The following FILIP1L variants were observed in gnomAD, a reference collection of about 807,000 sequenced individuals.
FILIP1L encodes the protein filamin A-interacting protein 1-like.
Under a neutral mutation model 96.6 loss-of-function variants are expected in FILIP1L, and 55 were observed. The observed-to-expected ratio is 0.57, with a 90% CI of 0.46 to 0.71. The LOEUF (loss-of-function observed/expected upper bound fraction) is 0.71. FILIP1L is among the 30% of genes least tolerant of loss of function. The probability of loss-of-function intolerance (pLI) is 0.00; values close to 1 mark genes in which losing one functional copy is unlikely to be tolerated. For missense variants in FILIP1L, 1,304 were observed against 1,321.2 expected (o/e 0.99, Z 0.20); for synonymous variants, 467 against 473.9 (o/e 0.99, Z 0.19).
intron 1 of FILIP1L, among the ~76,000 whole-genome samples, chr3:99,971,738 G>T (rs1204928884): frequency 6.6e-6 from 1 of 152,118 alleles, no homozygotes; most frequent in Admixed American, 6.5e-5. Flanking sequence ...GGATACACAC[G>T]GAACCTCAAA....
intron 1 of FILIP1L, among the ~76,000 whole-genome samples, chr3:100,072,257 G>A (rs959732711): frequency 3.3e-5 from 5 of 152,192 alleles, no homozygotes; most frequent in African/African-American, 1.2e-4. Context: ...GGATTATTCA[G>A]TCAGAAATAG....
intron 1 of FILIP1L, among the ~76,000 whole-genome samples, chr3:100,087,695 A>G (rs958909234): frequency 2.0e-5 from 3 of 152,036 alleles, no homozygotes; most frequent in African/African-American, 7.2e-5. Flanking sequence ...CATTATATTA[A>G]TAATGTCTTT....
intron 1 of FILIP1L, among the ~76,000 whole-genome samples, chr3:99,944,586 G>A (rs1465319376): frequency 6.6e-6 from 1 of 152,188 alleles, no homozygotes; most frequent in Non-Finnish European, 1.5e-5. Flanking sequence ...GCACTTTATG[G>A]GTTAAAGTAA....
In FILIP1L at chr3:100,027,135, G is replaced by A. The variant is rs141972947; in HGVS notation, c.-11+86918C>T. Among the ~76,000 whole-genome samples, 96 of 152,092 alleles carry A rather than the reference G, an allele frequency of 6.3e-4. 1 individual carries two copies. In the East Asian group the frequency reaches 0.018, roughly 28 times the overall value. On this transcript the variant is annotated intron_variant, in intron 1 of 5. Coordinates refer to ENST00000477258, the MANE Select transcript of FILIP1L (RefSeq NM_001387850.1). Reference sequence around the variant, plus strand: ...ACACGCTATCTAAACTTACACACATGAATACACACATCCTTCCTCTCCACC... The same window carrying A: ...ACACGCTATCTAAACTTACACACATAAATACACACATCCTTCCTCTCCACC...
intron 1 of FILIP1L, among the ~76,000 whole-genome samples, chr3:99,945,284 C>T (rs1360797664): frequency 6.6e-6 from 1 of 152,196 alleles, no homozygotes; most frequent in Non-Finnish European, 1.5e-5. Context: ...AGTGCTTTCC[C>T]CATACTCCCT....
intron 1 of FILIP1L, among the ~76,000 whole-genome samples, chr3:100,045,375 A>C (rs991740871): frequency 1.3e-5 from 2 of 152,214 alleles, no homozygotes; most frequent in Non-Finnish European, 2.9e-5. Flanking sequence ...TAATTGACAA[A>C]GAGGAGAGTG....
chr3:100,103,922 C>T (rs144272417), intron 1 of FILIP1L, among the ~76,000 whole-genome samples: 8 of 152,266 alleles, frequency 5.3e-5, no homozygotes, highest in African/African-American at 1.4e-4. Context: ...ATCATGAGCA[C>T]GGGTCTGCCA....
In FILIP1L at chr3:99,850,427, C is replaced by A; in HGVS notation, c.1249G>T (p.Val417Phe). Residue 417 changes from valine (V) to phenylalanine (F), a missense_variant, in exon 5 of 6, where the codon GTT (valine) becomes TTT (phenylalanine). Coordinates refer to ENST00000477258, the MANE Select transcript of FILIP1L (RefSeq NM_001387850.1). ...ATAATTCTTTTACTGAGTTTTTCAA[C>A]CTCTAGTTTAAAGTCTTTACTCTGT... ...TLQSKDFKLE[V>F]EKLSKRIMAL... The A allele has an allele frequency of 2.5e-6, 4 of 1,613,990 alleles. No individual in the cohort carries two copies. The highest frequency in any genetic ancestry group is 2.2e-5 in the East Asian group (1 of 44,860).
chr3:99,952,167 T>G (rs78951723), intron 1 of FILIP1L, among the ~76,000 whole-genome samples: 5 of 146,672 alleles, frequency 3.4e-5, no homozygotes, highest in African/African-American at 1.0e-4. Context: ...TATAGATGTG[T>G]TTTTTTTTTT....
intron 4 of FILIP1L, among the ~76,000 whole-genome samples, chr3:99,870,350 T>C (rs753274082): frequency 6.6e-6 from 1 of 152,230 alleles, no homozygotes; most frequent in Admixed American, 6.5e-5. Flanking sequence ...TTCAGCAAGG[T>C]TGGCCATTGA....
At chr3:100,011,300 TCTATTGA>T (rs1710149761) in intron 1 of FILIP1L, among the ~76,000 whole-genome samples, 1 of 152,174 alleles carries the variant, frequency 6.6e-6, no homozygotes. Flanking sequence ...CACGTGTTGA[TCTATTGA>T]GTATCAAGCA....
intron 1 of FILIP1L, among the ~76,000 whole-genome samples, chr3:99,999,285 A>T (rs2107158674): frequency 6.6e-6 from 1 of 152,338 alleles, no homozygotes; most frequent in East Asian, 1.9e-4. Flanking sequence ...GTCTCATAGC[A>T]CATATCACAT....
rs144960168 is a variant in FILIP1L at position 100,064,960 on chromosome 3, T to C, written c.-11+49093A>G. Among the ~76,000 whole-genome samples, 235 of 152,326 alleles carry C rather than the reference T, an allele frequency of 1.5e-3. 6 individuals carry two copies. The highest frequency in any genetic ancestry group is 7.9e-3 in the East Asian group (41 of 5,188). On this transcript the variant is annotated intron_variant, in intron 1 of 5. Coordinates refer to ENST00000477258, the MANE Select transcript of FILIP1L (RefSeq NM_001387850.1). ...TATGCAATGTATATCTACTAACATA[T>C]GTTAAACACACACATACACATGTGT...
At chr3:100,017,941 T>C (rs1165286960) in intron 1 of FILIP1L, among the ~76,000 whole-genome samples, 3 of 152,152 alleles carry the variant, frequency 2.0e-5, no homozygotes, top group Admixed American at 2.0e-4. Context: ...CTTCTCAGCC[T>C]CCATAATTGC....
At chr3:99,907,770 G>A (rs1044766030) in intron 4 of FILIP1L, among the ~76,000 whole-genome samples, 2 of 152,028 alleles carry the variant, frequency 1.3e-5, no homozygotes, top group African/African-American at 4.8e-5. Flanking sequence ...AACTATGTCT[G>A]TCTTTTAATG....
intron 1 of FILIP1L, among the ~76,000 whole-genome samples, chr3:100,049,912 G>C (rs972232650): frequency 6.6e-6 from 1 of 152,134 alleles, no homozygotes; most frequent in African/African-American, 2.4e-5. Context: ...AGTTTGGGGG[G>C]AGTCAAAAGT....
chr3:100,060,148 G>A (rs959227717), intron 1 of FILIP1L, among the ~76,000 whole-genome samples: 3 of 152,078 alleles, frequency 2.0e-5, no homozygotes, highest in African/African-American at 7.3e-5. Context: ...CACATGGTGG[G>A]TGGGCTACGG....
At chr3:99,930,743 A>G (rs1186338970) in intron 2 of FILIP1L, 26 bp downstream of exon 2, 1 of 1,608,828 alleles carries the variant, frequency 6.2e-7, no homozygotes, top group Admixed American at 1.7e-5. Flanking sequence ...TTGAAGCATG[A>G]TGGGGATAAC....
Position 99,850,156 on chromosome 3 carries a change from A to G in FILIP1L, c.1520T>C (p.Met507Thr). The G allele has an allele frequency of 1.2e-6, 2 of 1,611,066 alleles. No homozygotes were observed. The highest frequency in any genetic ancestry group is 1.7e-6 in the Non-Finnish European group (2 of 1,179,474). ...TVMFVDERKT[M>T]SEKLKKTEDK... ...TTCAGTTTTCTTTAATTTTTCACTCATTGTTTTCCGTTCATCTACAAACAT... is the reference window on the plus strand; with the variant it reads ...TTCAGTTTTCTTTAATTTTTCACTCGTTGTTTTCCGTTCATCTACAAACAT... Residue 507 changes from methionine to threonine, a missense_variant, in exon 5 of 6, where the codon ATG (methionine) becomes ACG (threonine). By Grantham distance (81) the Met-to-Thr change is moderately conservative. Transcript: ENST00000477258.
Sources: allele counts gnomAD v4.1 joint callset (sites outside exome capture counted in the v4.1 genomes callset), GRCh38; gene constraint gnomAD v4.1.1; transcripts MANE v1.5; gene names NCBI Gene and HGNC (gene_info 2026-07-23, HGNC 2026-07-21).